The following ODF2L variants were observed in gnomAD, a reference collection of about 807,000 sequenced individuals.
ODF2L encodes the protein protein BCAP.
ODF2L carries 76 observed loss-of-function variants against 86.3 expected under a neutral mutation model. The observed-to-expected ratio is 0.88, with a 90% CI of 0.73 to 1.07. ODF2L has a LOEUF of 1.07. Among genes scored for constraint, ODF2L ranks in the 50% least tolerant of loss-of-function variants. The pLI, the probability that ODF2L is intolerant of heterozygous loss-of-function variation, is 0.00. For synonymous variants in ODF2L, 241 were observed against 231.3 expected (o/e 1.04, Z -0.38); for missense variants, 748 against 717.4 (o/e 1.04, Z -0.49).
intron 17 of ODF2L, 86 bp downstream of exon 16, chr1:86,352,773 A>C: frequency 1.3e-6 from 1 of 781,812 alleles, no homozygotes; most frequent in Non-Finnish European, 2.0e-6. Context: ...AAAACAATAG[A>C]CTTGATTCAC....
chr1:86,393,677 C>T (rs570967971), intron 1 of ODF2L, among the ~76,000 whole-genome samples: 1 of 152,326 alleles, frequency 6.6e-6, no homozygotes, highest in African/African-American at 2.4e-5. Flanking sequence ...GCCCTGATTT[C>T]TCCAGCCCAT....
At chr1:86,390,696 G>T (rs1456537146) in intron 1 of ODF2L, among the ~76,000 whole-genome samples, 1 of 152,104 alleles carries the variant, frequency 6.6e-6, no homozygotes, top group Non-Finnish European at 1.5e-5. Flanking sequence ...TGTAATAAAA[G>T]CCATCTATGA....
intron 8 of ODF2L, among the ~76,000 whole-genome samples, chr1:86,372,908 G>A (rs1659902964): frequency 1.3e-5 from 2 of 152,154 alleles, no homozygotes; most frequent in African/African-American, 2.4e-5. Context: ...ATAAGTGGGA[G>A]CTAAGCTATG....
chr1:86,382,486 A>G, intron 6 of ODF2L, 128 bp from the exon 7 acceptor site: 1 of 1,460,442 alleles, frequency 6.8e-7, no homozygotes, highest in Non-Finnish European at 9.1e-7. Flanking sequence ...GCACTACTTT[A>G]CATAAACTGC....
chr1:86,384,547 A>G (rs1316854060), intron 4 of ODF2L, 129 bp downstream of exon 4: 2 of 491,246 alleles, frequency 4.1e-6, no homozygotes, highest in East Asian at 7.6e-5. Flanking sequence ...GGTGGGGATT[A>G]ATGACTGACA....
Position 86,354,876 on chromosome 1 carries a change from AG to A in ODF2L, c.1519-18del. 7.1e-7 allele frequency: 1 copy of A among 1,409,516 alleles called. No individual in the cohort carries two copies. Among genetic ancestry groups the A allele is most frequent in the South Asian group, 1.2e-5 (1 of 81,464 alleles). 87.3% of individuals were successfully genotyped at this position (1,409,516 alleles called of 1,614,324 possible). A position where few individuals can be genotyped will look rare whatever the true frequency, so the allele number is the denominator to read the frequency against. Reference sequence around the variant, plus strand: ...TCCATCAACCTAAAAGAAAAAAAAAAGTTTTCTTAGTCATTTTCTTCACAAT... The same window carrying A: ...TCCATCAACCTAAAAGAAAAAAAAAATTTTCTTAGTCATTTTCTTCACAAT... On this transcript the variant is annotated intron_variant, in intron 14 of 17. Coordinates refer to ENST00000317336, the Ensembl canonical transcript of ODF2L.
chr1:86,350,077 T>C (rs565049673), downstream of ODF2L: 92 of 433,152 alleles, frequency 2.1e-4, no homozygotes, highest in African/African-American at 1.7e-3. Flanking sequence ...ACAAAACTTA[T>C]CAGGTTTAAC....
chr1:86,382,014 TA>T, intron 7 of ODF2L: 1 of 391,390 alleles, frequency 2.6e-6, no homozygotes, highest in Non-Finnish European at 4.0e-6. Flanking sequence ...TTCAATTCCA[TA>T]AATCCTTCCT....
intron 10 of ODF2L, 59 bp downstream of exon 10, chr1:86,370,959 A>T: frequency 8.9e-7 from 1 of 1,127,500 alleles, no homozygotes; most frequent in South Asian, 2.5e-5. Flanking sequence ...AGCTATTTCT[A>T]CTAAGTAGAC....
chr1:86,376,208 T>G, intron 8 of ODF2L, 25 bp downstream of exon 8: 1 of 1,366,866 alleles, frequency 7.3e-7, no homozygotes, highest in Non-Finnish European at 1.0e-6. Context: ...GATCTTTTAA[T>G]TTTAAAAAGA....
chr1:86,383,261 G>T, intron 4 of ODF2L, 65 bp from the exon 5 acceptor site: 1 of 790,716 alleles, frequency 1.3e-6, no homozygotes, highest in Non-Finnish European at 2.1e-6. Flanking sequence ...AAAGTAGGAA[G>T]TGAAATAAGC....
At chr1:86,391,342 G>T (rs115052526) in intron 1 of ODF2L, among the ~76,000 whole-genome samples, 7,071 of 152,158 alleles carry the variant, frequency 0.046, 256 homozygotes, top group Non-Finnish European at 0.066. Flanking sequence ...AAACAATTCT[G>T]AAATTCACTT....
intron 14 of ODF2L, chr1:86,355,274 G>A (rs1658454929): frequency 2.0e-6 from 2 of 989,360 alleles, no homozygotes; most frequent in Non-Finnish European, 3.1e-6. Context: ...TATCTGTGAA[G>A]TCGAAACTGT....
At chr1:86,391,683 G>C (rs763499637) in intron 1 of ODF2L, among the ~76,000 whole-genome samples, 1 of 152,126 alleles carries the variant, frequency 6.6e-6, no homozygotes, top group Non-Finnish European at 1.5e-5. Context: ...ACGCAAGATG[G>C]ATCAAAGACT....
intron 1 of ODF2L, among the ~76,000 whole-genome samples, chr1:86,389,438 T>A (rs1225454016): frequency 6.6e-6 from 1 of 151,382 alleles, no homozygotes; most frequent in Non-Finnish European, 1.5e-5. Context: ...CATTGAAAAG[T>A]CTGAAAGAAC....
intron 7 of ODF2L, among the ~76,000 whole-genome samples, chr1:86,379,162 C>T (rs1478115386): frequency 6.6e-6 from 1 of 152,084 alleles, no homozygotes; most frequent in Non-Finnish European, 1.5e-5. Context: ...GAGCAGATGC[C>T]AGAATCATGC....
At chr1:86,384,888 C>A in intron 3 of ODF2L, 87 bp from the exon 4 acceptor site, 1 of 1,050,722 alleles carries the variant, frequency 9.5e-7, no homozygotes, top group Non-Finnish European at 1.3e-6. Context: ...AATATTTTTT[C>A]CTACTAAACA....
chr1:86,365,977 T>C (rs1223051097), intron 11 of ODF2L, among the ~76,000 whole-genome samples: 1 of 152,156 alleles, frequency 6.6e-6, no homozygotes, highest in Non-Finnish European at 1.5e-5. Context: ...AGAAATTGAA[T>C]GAACTGTTTG....
chr1:86,389,300 G>A (rs1372560758), intron 1 of ODF2L, among the ~76,000 whole-genome samples: 1 of 152,084 alleles, frequency 6.6e-6, no homozygotes, highest in Non-Finnish European at 1.5e-5. Context: ...CATGTTTAAG[G>A]ATCAAATCAT....
Sources: allele counts gnomAD v4.1 joint callset (sites outside exome capture counted in the v4.1 genomes callset), GRCh38; gene constraint gnomAD v4.1.1; transcripts MANE v1.5; gene names NCBI Gene and HGNC (gene_info 2026-07-23, HGNC 2026-07-21).